Variants in GALNT13 observed in about 807,000 individuals in gnomAD.
The protein encoded by GALNT13 is UDP-GalNAc:polypeptide N-acetylgalactosaminyltransferase 13.
GALNT13 carries 28 observed loss-of-function variants against 64.2 expected under a neutral mutation model. That is an observed-to-expected ratio of 0.44 (90% CI 0.32 to 0.60). GALNT13 has a LOEUF of 0.60. GALNT13 is among the 20% of genes least tolerant of loss of function. GALNT13 has a pLI of 0.05. For synonymous variants in GALNT13, 214 were observed against 224.6 expected (o/e 0.95, Z 0.42); for missense variants, 577 against 669.8 (o/e 0.86, Z 1.53).
the GALNT13 span, among the ~76,000 whole-genome samples, chr2:153,112,903 A>G: frequency 6.6e-6 from 1 of 152,202 alleles, no homozygotes; most frequent in Non-Finnish European, 1.5e-5. Context: ...CAAGTTGTCA[A>G]AATCTAAGAG....
the GALNT13 span, among the ~76,000 whole-genome samples, chr2:153,138,243 G>A: frequency 5.0e-3 from 761 of 152,136 alleles, 4 homozygotes; most frequent in African/African-American, 0.018. Context: ...TGCTGACTGT[G>A]AAGAGTATGT....
the GALNT13 span, among the ~76,000 whole-genome samples, chr2:153,815,816 GC>G: frequency 3.2e-3 from 489 of 152,264 alleles, 4 homozygotes; most frequent in African/African-American, 0.011. Flanking sequence ...AATAAAATGT[GC>G]TGAAGGTTTA....
the GALNT13 span, among the ~76,000 whole-genome samples, chr2:153,562,778 C>T: frequency 2.0e-5 from 3 of 152,018 alleles, no homozygotes; most frequent in East Asian, 1.9e-4. Context: ...TATGAAGTGT[C>T]GCTGTGATGT....
chr2:153,872,870 C>G (rs565647708), intron 1 of GALNT13, among the ~76,000 whole-genome samples: 51 of 152,258 alleles, frequency 3.3e-4, no homozygotes, highest in African/African-American at 1.2e-3. Flanking sequence ...TCATTCTCGC[C>G]GTGTGTGTCT....
At chr2:153,277,464 AC>A in the GALNT13 span, among the ~76,000 whole-genome samples, 1 of 152,232 alleles carries the variant, frequency 6.6e-6, no homozygotes, top group Non-Finnish European at 1.5e-5. Flanking sequence ...ATTGATAGAT[AC>A]CTAAATTGAT....
At chr2:154,264,753 T>C (rs1191447679) in intron 8 of GALNT13, among the ~76,000 whole-genome samples, 1 of 147,148 alleles carries the variant, frequency 6.8e-6, no homozygotes, top group Non-Finnish European at 1.5e-5. Flanking sequence ...TAAAGCAAAC[T>C]TAGGAATTAT....
At chr2:153,084,287 T>A in the GALNT13 span, among the ~76,000 whole-genome samples, 2 of 152,262 alleles carry the variant, frequency 1.3e-5, no homozygotes, top group South Asian at 4.1e-4. Flanking sequence ...ATGATGGTAT[T>A]TTTGATGGGA....
At chr2:154,382,246 A>G (rs1698306210) in intron 9 of GALNT13, among the ~76,000 whole-genome samples, 1 of 152,062 alleles carries the variant, frequency 6.6e-6, no homozygotes, top group African/African-American at 2.4e-5. Context: ...AAAGCTCTAA[A>G]AAAGAAGAGA....
Position 154,087,320 on chromosome 2 carries a change from T to C in GALNT13, c.143-53017T>C, listed in dbSNP as rs371577279. Among the ~76,000 whole-genome samples the C allele has an allele frequency of 1.9e-4, 29 of 152,206 alleles. 1 individual carries two copies. The South Asian group carries it at 6.0e-3, about 32-fold the overall frequency. On this transcript the variant is annotated intron_variant, in intron 3 of 12. Coordinates refer to ENST00000392825, the MANE Select transcript of GALNT13 (RefSeq NM_052917.4). ...GTACATATTTTTTTTAAGTCTCTGA[T>C]ACATTGAGTCTCAAAATATGTTGCA...
intron 1 of GALNT13, among the ~76,000 whole-genome samples, chr2:153,874,049 T>G (rs528678314): frequency 1.3e-5 from 2 of 151,928 alleles, no homozygotes; most frequent in Non-Finnish European, 2.9e-5. Context: ...AGAATGACTT[T>G]TGCATTACAT....
At chr2:153,156,422 A>G in the GALNT13 span, among the ~76,000 whole-genome samples, 1 of 152,180 alleles carries the variant, frequency 6.6e-6, no homozygotes, top group Non-Finnish European at 1.5e-5. Flanking sequence ...GTCTCTGACA[A>G]TGGTAATCTT....
At chr2:153,239,371 T>C in the GALNT13 span, among the ~76,000 whole-genome samples, 1 of 152,198 alleles carries the variant, frequency 6.6e-6, no homozygotes, top group Non-Finnish European at 1.5e-5. Flanking sequence ...TTCACAGCAA[T>C]ATTGAATAAC....
At position 154,242,085 on chromosome 2, in the gene GALNT13, T is replaced by C; in HGVS notation, c.367T>C (p.Phe123Leu). The C allele has an allele frequency of 6.2e-7, 1 of 1,611,172 alleles. No homozygotes were observed. The highest frequency in any genetic ancestry group is 8.5e-7 in the Non-Finnish European group (1 of 1,177,714). The change falls in exon 5 of 13, where the codon TTT becomes CTT. Residue 123 changes from phenylalanine (F) to leucine (L), a missense_variant. Physicochemically the swap from Phe to Leu is conservative, Grantham distance 22. Around this residue, in one of 3 missense-constraint regions of GALNT13, gnomAD observed 341 missense variants for 379.3 expected, o/e 0.90. Coordinates refer to ENST00000392825, the MANE Select transcript of GALNT13 (RefSeq NM_052917.4). ...ELPNTSVVIVFHNEAWSTLLR... is the reference protein window; with the variant it reads ...ELPNTSVVIVLHNEAWSTLLR... ...TCCAAACACAAGTGTAGTCATTGTGTTTCATAATGAAGCTTGGAGCACTCT... is the reference window on the plus strand; with the variant it reads ...TCCAAACACAAGTGTAGTCATTGTGCTTCATAATGAAGCTTGGAGCACTCT...
intron 9 of GALNT13, among the ~76,000 whole-genome samples, chr2:154,343,967 T>C (rs980196546): frequency 3.3e-5 from 5 of 152,010 alleles, no homozygotes; most frequent in Non-Finnish European, 7.4e-5. Flanking sequence ...AGATAGAATA[T>C]TTCAGCAAGT....
the GALNT13 span, among the ~76,000 whole-genome samples, chr2:153,651,517 G>A: frequency 6.6e-6 from 1 of 152,070 alleles, no homozygotes; most frequent in Non-Finnish European, 1.5e-5. Context: ...AAGATATCCT[G>A]AGCCCACCTG....
intron 1 of GALNT13, among the ~76,000 whole-genome samples, chr2:153,876,051 A>T (rs1408856580): frequency 6.6e-6 from 1 of 152,140 alleles, no homozygotes; most frequent in African/African-American, 2.4e-5. Context: ...TTATCAAAGG[A>T]TTTAAACTGG....
At chr2:153,867,972 T>C (rs902399484), upstream of GALNT13, among the ~76,000 whole-genome samples, 3 of 152,154 alleles carry the variant, frequency 2.0e-5, no homozygotes, top group African/African-American at 7.2e-5. Context: ...TAACAGGCCA[T>C]GGACTGCCAT....
At chr2:153,525,564 C>A in the GALNT13 span, among the ~76,000 whole-genome samples, 3 of 152,256 alleles carry the variant, frequency 2.0e-5, no homozygotes, top group South Asian at 6.2e-4. Context: ...TTGATTTTCA[C>A]TGAAGTGTGA....
At chr2:154,351,395 G>C (rs1462860277) in intron 9 of GALNT13, among the ~76,000 whole-genome samples, 1 of 151,878 alleles carries the variant, frequency 6.6e-6, no homozygotes, top group Non-Finnish European at 1.5e-5. Context: ...CAATAGACCA[G>C]AGCTCTGGCC....
Sources: allele counts gnomAD v4.1 joint callset (sites outside exome capture counted in the v4.1 genomes callset), GRCh38; gene constraint gnomAD v4.1.1; regional missense constraint gnomAD v4.1.1; transcripts MANE v1.5; gene names NCBI Gene and HGNC (gene_info 2026-07-23, HGNC 2026-07-21).